The following FHIP1A variants were observed in gnomAD, a reference collection of about 807,000 sequenced individuals.
The protein encoded by FHIP1A is FHF complex subunit HOOK-interacting protein 1A.
A neutral mutation model predicts 88.6 loss-of-function variants in FHIP1A; 61 were observed. The observed-to-expected ratio is 0.69, with a 90% CI of 0.56 to 0.85. The LOEUF is 0.85. FHIP1A is among the 40% of genes least tolerant of loss of function. The pLI is 0.00. For missense variants in FHIP1A, 1,154 were observed against 1,273.5 expected (o/e 0.91, Z 1.43); for synonymous variants, 478 against 496.0 (o/e 0.96, Z 0.48).
chr4:151,612,932 G>A (rs578056697), intron 7 of FHIP1A, among the ~76,000 whole-genome samples: 287 of 152,348 alleles, frequency 1.9e-3, no homozygotes, highest in Admixed American at 3.3e-3. Flanking sequence ...TAGTGCTAGA[G>A]ACGCGACACC....
chr4:151,497,076 A>G (rs1186552814), intron 3 of FHIP1A, among the ~76,000 whole-genome samples: 3 of 152,178 alleles, frequency 2.0e-5, no homozygotes, highest in Admixed American at 6.5e-5. Flanking sequence ...GTTTAGCGGG[A>G]AAAAGGCAGA....
At chr4:151,439,868 G>A (rs540430229) in intron 1 of FHIP1A, among the ~76,000 whole-genome samples, 2 of 152,160 alleles carry the variant, frequency 1.3e-5, no homozygotes, top group South Asian at 4.2e-4. Context: ...TTCCTTTTAT[G>A]TATTTTTCTA....
chr4:151,638,537 G>C (rs1441307011), intron 8 of FHIP1A, 140 bp from the exon 9 acceptor site: 2 of 525,092 alleles, frequency 3.8e-6, no homozygotes, highest in Non-Finnish European at 6.7e-6. Context: ...ATTCTCCCTG[G>C]CAGCAGCATG....
In FHIP1A at chr4:151,650,264, G is replaced by A. The variant is rs1736974263; in HGVS notation, c.2223G>A (p.Leu741=). The change falls in exon 11 of 14, where the codon CTG becomes CTA. Residue 741 remains leucine, a synonymous_variant. Transcript: ENST00000435205. ...CTGAGGCAGAGCACAGCTCTAACCTGACAGCCGCCCACCCGGAGAGCGAGG... is the reference window on the plus strand; with the variant it reads ...CTGAGGCAGAGCACAGCTCTAACCTAACAGCCGCCCACCCGGAGAGCGAGG... ...PAPEAEHSSN[L]TAAHPESEEL... The A allele has an allele frequency of 6.4e-7, 1 of 1,551,620 alleles. No homozygotes were observed. Among genetic ancestry groups the A allele is most frequent in the Admixed American group, 2.0e-5 (1 of 50,984 alleles).
chr4:151,518,636 T>TCCCA (rs1731336941), intron 3 of FHIP1A, among the ~76,000 whole-genome samples: 1 of 68,532 alleles, frequency 1.5e-5, no homozygotes, highest in African/African-American at 6.2e-5. Flanking sequence ...ACTATCCATT[T>TCCCA]CCCTCCCTCC....
intron 4 of FHIP1A, 97 bp from the exon 5 acceptor site, chr4:151,577,353 C>G (rs947391243): frequency 1.7e-6 from 2 of 1,207,282 alleles, no homozygotes; most frequent in Non-Finnish European, 2.3e-6. Flanking sequence ...GCAGTGGCTC[C>G]TGCATTTTTG....
chr4:151,467,095 A>C (rs1167315326), intron 2 of FHIP1A, among the ~76,000 whole-genome samples: 2 of 152,362 alleles, frequency 1.3e-5, no homozygotes, highest in Admixed American at 6.5e-5. Flanking sequence ...CAAAGGTCTA[A>C]TATTCAGAAT....
rs1036559854 is a variant in FHIP1A, at chr4:151,557,771, C to T, written c.-122-8367C>T. Among the ~76,000 whole-genome samples the T allele has an allele frequency of 2.0e-5, 3 of 152,288 alleles. No individual in the cohort carries two copies. In the South Asian group the frequency reaches 6.2e-4, roughly 32 times the overall value. On this transcript the variant is annotated intron_variant, in intron 3 of 13. Transcript: ENST00000435205. Reference sequence around the variant, plus strand: ...TTTCTTGGAAGTACAGCATGGTAAGCCTAAATTCTGGACCTCCAAGCAGAA... The same window carrying T: ...TTTCTTGGAAGTACAGCATGGTAAGTCTAAATTCTGGACCTCCAAGCAGAA...
At chr4:151,522,609 C>A (rs908133482) in intron 3 of FHIP1A, among the ~76,000 whole-genome samples, 6 of 152,200 alleles carry the variant, frequency 3.9e-5, no homozygotes, top group African/African-American at 7.2e-5. Context: ...TGAGAAATAA[C>A]CCAGAAGTGG....
chr4:151,631,099 G>A (rs1371520223), intron 8 of FHIP1A, among the ~76,000 whole-genome samples: 1 of 151,932 alleles, frequency 6.6e-6, no homozygotes, highest in Non-Finnish European at 1.5e-5. Flanking sequence ...TAACACACTG[G>A]AAAAAGAAGA....
At chr4:151,567,781 AATTT>A (rs995826889) in intron 4 of FHIP1A, among the ~76,000 whole-genome samples, 38 of 152,198 alleles carry the variant, frequency 2.5e-4, no homozygotes, top group African/African-American at 8.7e-4. Flanking sequence ...TATGATTACT[AATTT>A]ATTTATTTGT....
At chr4:151,511,460 C>T (rs549778586) in intron 3 of FHIP1A, among the ~76,000 whole-genome samples, 100 of 152,300 alleles carry the variant, frequency 6.6e-4, no homozygotes, top group African/African-American at 2.3e-3. Context: ...GCGCACCGTG[C>T]GCGAGCCGAA....
Position 151,512,970 on chromosome 4 carries a change from C to T in FHIP1A, c.-123+30322C>T, listed in dbSNP as rs559340407. The stretch of plus-strand genomic sequence containing the variant: ...CAGAGAACGCCACAAAGATACTCCT[C>T]GAGAAAAGCAACTCCAAGACACATA... On this transcript the variant is annotated intron_variant, in intron 3 of 13. Transcript: ENST00000435205. Among the ~76,000 whole-genome samples the T allele has an allele frequency of 9.2e-3, 1,397 of 152,100 alleles. 19 individuals are homozygous for T. Among genetic ancestry groups the T allele is most frequent in the African/African-American group, 0.031 (1,301 of 41,454 alleles).
chr4:151,436,577 T>C (rs1446067505), intron 1 of FHIP1A: 2 of 152,178 alleles, frequency 1.3e-5, no homozygotes, highest in East Asian at 3.9e-4. Context: ...TCTACTGTGG[T>C]CATCCCTCGG....
intron 2 of FHIP1A, among the ~76,000 whole-genome samples, chr4:151,462,595 G>A (rs1425641095): frequency 6.6e-6 from 1 of 152,164 alleles, no homozygotes; most frequent in Non-Finnish European, 1.5e-5. Context: ...TATTACAGAG[G>A]AGTCATATAT....
Position 151,650,168 on chromosome 4 carries a change from C to G in FHIP1A, c.2127C>G (p.Pro709=), listed in dbSNP as rs561774240. The stretch of plus-strand genomic sequence containing the variant: ...ATTCAGACCCGTTTCACAGTGAGCC[C>G]AAGGAGCCAAAGCAAGAGAGGGAAC... ...RDNSDPFHSE[P]KEPKQEREPE... Residue 709 remains proline, a synonymous_variant, in exon 11 of 14, where the codon CCC becomes CCG. Transcript: ENST00000435205. 2 of 1,551,642 alleles carry G rather than the reference C, an allele frequency of 1.3e-6. No individual in the cohort carries two copies. Among genetic ancestry groups the G allele is most frequent in the East Asian group, 2.4e-5 (1 of 40,910 alleles).
chr4:151,535,359 C>G (rs1350768223), intron 3 of FHIP1A, among the ~76,000 whole-genome samples: 1 of 152,150 alleles, frequency 6.6e-6, no homozygotes, highest in African/African-American at 2.4e-5. Context: ...CTCTGGGGAC[C>G]AGTCTTTTTT....
chr4:151,614,305 C>T (rs779480236), intron 7 of FHIP1A, among the ~76,000 whole-genome samples: 8 of 151,924 alleles, frequency 5.3e-5, no homozygotes, highest in Admixed American at 1.3e-4. Flanking sequence ...CCTGTCTCTA[C>T]AAAAGATACA....
At chr4:151,492,591 CAAAA>C (rs59887435) in intron 3 of FHIP1A, among the ~76,000 whole-genome samples, 3 of 94,220 alleles carry the variant, frequency 3.2e-5, no homozygotes, top group Non-Finnish European at 6.7e-5. Context: ...GGCTGTGTCT[CAAAA>C]AAAAAAAAAA....
Sources: gnomAD v4.1 joint callset for allele counts (sites outside exome capture counted in the v4.1 genomes callset) on GRCh38, gnomAD v4.1.1 for gene constraint, MANE v1.5 for transcripts, NCBI Gene and HGNC (gene_info 2026-07-23, HGNC 2026-07-21) for gene names.